Variants in RBFOX1 observed in about 807,000 individuals in gnomAD.
RBFOX1 encodes the protein RNA binding protein fox-1 homolog 1.
Under a neutral mutation model 57.7 loss-of-function variants are expected in RBFOX1, and 8 were observed. The ratio of observed to expected loss-of-function variants is 0.14; its 90% CI spans 0.08 to 0.25. RBFOX1 has a LOEUF of 0.25. RBFOX1 is among the 10% of genes least tolerant of loss of function. The pLI is 1.00. For synonymous variants in RBFOX1, 326 were observed against 222.4 expected (o/e 1.47, Z -4.15); for missense variants, 611 against 548.5 (o/e 1.11, Z -1.14).
chr16:6,236,684 C>T (rs1160978314), intron 1 of RBFOX1, among the ~76,000 whole-genome samples: 2 of 152,042 alleles, frequency 1.3e-5, no homozygotes, highest in South Asian at 2.1e-4. Flanking sequence ...CTCCTGAGCT[C>T]GGATGATCCA....
chr16:5,581,014 G>T (rs983389985), intron 2 of RBFOX1, among the ~76,000 whole-genome samples: 2 of 152,234 alleles, frequency 1.3e-5, no homozygotes, highest in African/African-American at 4.8e-5. Context: ...AGGGCTGTCA[G>T]TGTGCACAGA....
chr16:5,506,394 T>G (rs369353695), intron 2 of RBFOX1, among the ~76,000 whole-genome samples: 1 of 152,234 alleles, frequency 6.6e-6, no homozygotes, highest in African/African-American at 2.4e-5. Flanking sequence ...CCGTGGACTC[T>G]AAACCCCAAT....
At chr16:5,299,950 G>A (rs2063762976) in intron 1 of RBFOX1, among the ~76,000 whole-genome samples, 1 of 151,664 alleles carries the variant, frequency 6.6e-6, no homozygotes, top group Admixed American at 6.6e-5. Flanking sequence ...TTATCACATT[G>A]AGGATGTTTC....
chr16:6,306,074 C>G (rs546215306), intron 1 of RBFOX1, among the ~76,000 whole-genome samples: 1 of 152,160 alleles, frequency 6.6e-6, no homozygotes, highest in African/African-American at 2.4e-5. Context: ...TCTAGGCACT[C>G]TGTTGAGTGC....
chr16:6,189,909 G>C (rs1308362884), intron 1 of RBFOX1, among the ~76,000 whole-genome samples: 2 of 152,138 alleles, frequency 1.3e-5, no homozygotes, highest in Non-Finnish European at 2.9e-5. Context: ...CTGTGCTTGA[G>C]GGGTATTGCT....
At chr16:7,672,070 A>C (rs530809174) in intron 13 of RBFOX1, among the ~76,000 whole-genome samples, 59 of 152,302 alleles carry the variant, frequency 3.9e-4, no homozygotes, top group Admixed American at 7.2e-4. Context: ...CTCATGTGCA[A>C]CATTAAGGGC....
intron 1 of RBFOX1, among the ~76,000 whole-genome samples, chr16:5,362,384 C>T (rs1236979138): frequency 6.6e-6 from 1 of 151,704 alleles, no homozygotes; most frequent in East Asian, 1.9e-4. Context: ...TTTTTTGAGA[C>T]AGAGTTTCGC....
intron 3 of RBFOX1, among the ~76,000 whole-genome samples, chr16:6,845,808 G>A (rs1252892557): frequency 1.3e-5 from 2 of 152,152 alleles, no homozygotes; most frequent in Non-Finnish European, 2.9e-5. Context: ...TCATATTTTA[G>A]AGACTTTGTA....
At chr16:5,324,300 T>A (rs1281987063) in intron 1 of RBFOX1, among the ~76,000 whole-genome samples, 1 of 152,112 alleles carries the variant, frequency 6.6e-6, no homozygotes, top group African/African-American at 2.4e-5. Flanking sequence ...CCATCTCTAC[T>A]AAAAATGCAA....
intron 1 of RBFOX1, among the ~76,000 whole-genome samples, chr16:5,249,359 T>G (rs2062387383): frequency 1.3e-5 from 2 of 152,300 alleles, no homozygotes; most frequent in South Asian, 4.2e-4. Context: ...TGGAGGGGCC[T>G]GGCCGGGGCT....
At chr16:5,473,249 A>G (rs1002340586) in intron 2 of RBFOX1, among the ~76,000 whole-genome samples, 2 of 152,164 alleles carry the variant, frequency 1.3e-5, no homozygotes, top group Non-Finnish European at 2.9e-5. Context: ...ATTCACTGTG[A>G]TAGCTCCTGG....
chr16:6,760,429 C>G (rs184884078), intron 3 of RBFOX1, among the ~76,000 whole-genome samples: 76 of 152,194 alleles, frequency 5.0e-4, no homozygotes, highest in Admixed American at 2.2e-3. Context: ...AGAAGTGATA[C>G]TTTAATGTTT....
chr16:7,001,572 T>G (rs1456696832), intron 3 of RBFOX1, among the ~76,000 whole-genome samples: 1 of 152,132 alleles, frequency 6.6e-6, no homozygotes, highest in African/African-American at 2.4e-5. Context: ...TGCTCCTACA[T>G]CAGCCTCCCG....
Position 6,735,794 on chromosome 16 carries a change from C to G in RBFOX1, c.-16+81144C>G, listed in dbSNP as rs185979247. 1.9e-3 allele frequency among the ~76,000 whole-genome samples: 286 copies of G among 152,234 alleles called. 4 individuals carry two copies. Among genetic ancestry groups the G allele is most frequent in the African/African-American group, 6.6e-3 (273 of 41,538 alleles). On this transcript the variant is annotated intron_variant, in intron 3 of 15. Coordinates refer to ENST00000550418, the MANE Select transcript of RBFOX1 (RefSeq NM_018723.4). ...GGTGGTGATCTGTGGTTCCTCTCCC[C>G]CTGTGAAGAACACAGACATGAGGAA...
At chr16:6,074,027 C>A (rs565093932) in intron 1 of RBFOX1, among the ~76,000 whole-genome samples, 2 of 152,210 alleles carry the variant, frequency 1.3e-5, no homozygotes, top group East Asian at 3.9e-4. Context: ...CAGCTCACTG[C>A]AAGCTCCACC....
intron 4 of RBFOX1, among the ~76,000 whole-genome samples, chr16:7,500,190 G>C (rs1041454499): frequency 7.2e-5 from 11 of 152,324 alleles, no homozygotes; most frequent in Admixed American, 7.2e-4. Context: ...GTCTCAAGTG[G>C]AGACATTGGG....
At chr16:7,234,572 T>C (rs1467840930) in intron 4 of RBFOX1, among the ~76,000 whole-genome samples, 1 of 139,784 alleles carries the variant, frequency 7.2e-6, no homozygotes, top group Non-Finnish European at 1.5e-5. Context: ...CTGTTGCAAA[T>C]GACATGTGTA....
At chr16:7,183,704 T>C (rs938463407) in intron 4 of RBFOX1, among the ~76,000 whole-genome samples, 1 of 152,172 alleles carries the variant, frequency 6.6e-6, no homozygotes, top group Non-Finnish European at 1.5e-5. Context: ...AAGAGTTGAC[T>C]CACACTGAAC....
chr16:7,699,996 C>A (rs991822821), intron 14 of RBFOX1, among the ~76,000 whole-genome samples: 1 of 152,070 alleles, frequency 6.6e-6, no homozygotes, highest in Admixed American at 6.5e-5. Flanking sequence ...CCTCCTGGTG[C>A]TAGGTGGGTG....
Sources: gnomAD v4.1 joint callset for allele counts (sites outside exome capture counted in the v4.1 genomes callset) on GRCh38, gnomAD v4.1.1 for gene constraint, MANE v1.5 for transcripts, NCBI Gene and HGNC (gene_info 2026-07-23, HGNC 2026-07-21) for gene names.